CDK14: variants seen among roughly 807,000 people sequenced by gnomAD.
CDK14 encodes cyclin dependent kinase 14.
CDK14 carries 34 observed loss-of-function variants against 60.7 expected under a neutral mutation model. The observed-to-expected ratio is 0.56, with a 90% confidence interval of 0.43 to 0.75. The LOEUF (loss-of-function observed/expected upper bound fraction) is 0.75. CDK14 is among the 30% of genes least tolerant of loss of function. The pLI, the probability that CDK14 is intolerant of heterozygous loss-of-function variation, is 0.00. For missense variants in CDK14, 482 were observed against 564.1 expected (o/e 0.85, Z 1.47); for synonymous variants, 197 against 203.7 (o/e 0.97, Z 0.28).
At chr7:90,695,520 A>G (rs1801637758) in intron 2 of CDK14, among the ~76,000 whole-genome samples, 1 of 152,188 alleles carries the variant, frequency 6.6e-6, no homozygotes, top group Non-Finnish European at 1.5e-5. Flanking sequence ...AAAATAGACA[A>G]ATCTCTGCCA....
At chr7:90,658,541 C>T (rs2116496606) in intron 2 of CDK14, among the ~76,000 whole-genome samples, 1 of 152,322 alleles carries the variant, frequency 6.6e-6, no homozygotes. Flanking sequence ...CATAAATGTT[C>T]AGATCTTAGC....
chr7:90,874,629 C>T (rs1791493366), intron 6 of CDK14, among the ~76,000 whole-genome samples: 2 of 145,768 alleles, frequency 1.4e-5, no homozygotes, highest in Admixed American at 6.9e-5. Flanking sequence ...CCCGGGTTCA[C>T]GCCATTCTCC....
rs868478556 is a variant in CDK14 at position 91,027,453 on chromosome 7, G to A, written c.1042-18444G>A. Among the ~76,000 whole-genome samples the A allele has an allele frequency of 9.2e-5, 14 of 152,164 alleles. 1 individual carries two copies. The highest frequency in any genetic ancestry group is 3.4e-3 in the Middle Eastern group (1 of 294). On this transcript the variant is annotated intron_variant, in intron 10 of 14. Transcript: ENST00000380050. ...ACTTGCTTGGCAGCCATACTTCCTC[G>A]GAAGATGCCTCATTTTCAACTCTAT...
At chr7:91,135,629 A>G (rs995744749) in intron 14 of CDK14, among the ~76,000 whole-genome samples, 1 of 152,176 alleles carries the variant, frequency 6.6e-6, no homozygotes, top group Non-Finnish European at 1.5e-5. Flanking sequence ...TGAGGAGCAG[A>G]AGGAAATCAG....
At chr7:90,947,170 T>G (rs1192786368) in intron 8 of CDK14, among the ~76,000 whole-genome samples, 1 of 152,254 alleles carries the variant, frequency 6.6e-6, no homozygotes, top group Non-Finnish European at 1.5e-5. Context: ...TTTTGGAACC[T>G]TTTTCCAGAA....
At chr7:90,966,752 C>T (rs968728499) in intron 9 of CDK14, among the ~76,000 whole-genome samples, 1 of 152,106 alleles carries the variant, frequency 6.6e-6, no homozygotes, top group Non-Finnish European at 1.5e-5. Context: ...CATTTCTCCC[C>T]TCTATCTCCA....
intron 12 of CDK14, among the ~76,000 whole-genome samples, chr7:91,081,420 TG>T (rs1798481194): frequency 6.6e-6 from 1 of 152,312 alleles, no homozygotes; most frequent in Admixed American, 6.5e-5. Flanking sequence ...TCTTGTACAG[TG>T]GTAATAGGTT....
At chr7:90,638,918 C>T (rs1169222929) in intron 2 of CDK14, among the ~76,000 whole-genome samples, 8 of 151,984 alleles carry the variant, frequency 5.3e-5, no homozygotes, top group Admixed American at 2.6e-4. Flanking sequence ...TCCAGTTGAT[C>T]GCATCGGCTC....
chr7:90,762,681 C>T (rs961886094), intron 4 of CDK14, among the ~76,000 whole-genome samples: 13 of 152,018 alleles, frequency 8.6e-5, no homozygotes, highest in African/African-American at 2.9e-4. Context: ...GCCATGTTAA[C>T]GCAAATTAAA....
intron 8 of CDK14, among the ~76,000 whole-genome samples, chr7:90,944,043 A>G (rs936541740): frequency 2.0e-5 from 3 of 152,094 alleles, no homozygotes; most frequent in African/African-American, 7.2e-5. Flanking sequence ...GATTGTTATA[A>G]ACTGAGGTTG....
At chr7:90,762,488 A>G (rs994050360) in intron 4 of CDK14, among the ~76,000 whole-genome samples, 2 of 152,228 alleles carry the variant, frequency 1.3e-5, no homozygotes, top group African/African-American at 4.8e-5. Flanking sequence ...ATAAGTTACA[A>G]ACGTGACAGA....
intron 10 of CDK14, among the ~76,000 whole-genome samples, chr7:91,045,226 G>C (rs1489749828): frequency 6.6e-6 from 1 of 152,140 alleles, no homozygotes; most frequent in Non-Finnish European, 1.5e-5. Context: ...AATGGAATGT[G>C]CCCAGTTACA....
intron 8 of CDK14, among the ~76,000 whole-genome samples, chr7:90,947,204 A>G (rs1794126785): frequency 6.6e-6 from 1 of 152,056 alleles, no homozygotes; most frequent in African/African-American, 2.4e-5. Flanking sequence ...TTTTCAGTTC[A>G]CTTCCCATTC....
chr7:91,174,500 A>G lies in CDK14; in HGVS notation c.*29-32665A>G, dbSNP rs763485732. Among the ~76,000 whole-genome samples the G allele has an allele frequency of 3.1e-3, 474 of 152,090 alleles. 2 individuals are homozygous for G. Among genetic ancestry groups the G allele is most frequent in the Non-Finnish European group, 4.5e-3 (306 of 67,958 alleles). ...GAGAGAAGAAGGCTTCAGACGGTCA[A>G]ATTACTCTGAGCTACAGGAGGACAT... is the stretch of plus-strand genomic sequence containing the variant. On this transcript the variant is annotated intron_variant, in intron 14 of 14. Coordinates refer to ENST00000380050, the MANE Select transcript of CDK14 (RefSeq NM_001287135.2).
chr7:91,002,799 C>T (rs892194681), intron 10 of CDK14, among the ~76,000 whole-genome samples: 3 of 152,128 alleles, frequency 2.0e-5, no homozygotes, highest in African/African-American at 7.2e-5. Flanking sequence ...TGTGGCCGGG[C>T]CCGGTGGTTC....
chr7:91,037,317 A>AT lies in CDK14; in HGVS notation c.1042-8579dup, dbSNP rs756667717. 9.6e-4 allele frequency among the ~76,000 whole-genome samples: 146 copies of AT among 152,352 alleles called. 1 individual carries two copies. The highest frequency in any genetic ancestry group is 1.6e-3 in the Non-Finnish European group (106 of 68,038). On this transcript the variant is annotated intron_variant, in intron 10 of 14. Coordinates refer to ENST00000380050, the MANE Select transcript of CDK14 (RefSeq NM_001287135.2). Reference sequence around the variant, plus strand: ...CCTTCTGTCTTCCTTCAAGTAACTGATAAAAATCCTGAAGAGGATGATACC... The same window carrying AT: ...CCTTCTGTCTTCCTTCAAGTAACTGATTAAAAATCCTGAAGAGGATGATACC...
chr7:90,819,905 A>G (rs1789482889), intron 5 of CDK14, among the ~76,000 whole-genome samples: 3 of 152,182 alleles, frequency 2.0e-5, no homozygotes, highest in African/African-American at 7.2e-5. Flanking sequence ...AGAATGTTTT[A>G]AAGGTTATCA....
chr7:91,185,547 T>A (rs944112735), intron 14 of CDK14, among the ~76,000 whole-genome samples: 6 of 152,036 alleles, frequency 3.9e-5, no homozygotes, highest in Non-Finnish European at 7.4e-5. Flanking sequence ...ACCAGTATAT[T>A]ATTGTCATTG....
intron 6 of CDK14, among the ~76,000 whole-genome samples, chr7:90,891,500 G>C (rs532519184): frequency 5.4e-4 from 82 of 152,194 alleles, no homozygotes; most frequent in Admixed American, 3.9e-3. Context: ...GTATCCTTAT[G>C]CCAGTGAAAC....
Sources: gnomAD v4.1 joint callset for allele counts (sites outside exome capture counted in the v4.1 genomes callset) on GRCh38, gnomAD v4.1.1 for gene constraint, MANE v1.5 for transcripts, NCBI Gene and HGNC (gene_info 2026-07-23, HGNC 2026-07-21) for gene names.